The following DENND4A variants were observed in gnomAD, a reference collection of about 807,000 sequenced individuals.
The protein encoded by DENND4A is C-myc promoter-binding protein.
A neutral mutation model predicts 199.3 loss-of-function variants in DENND4A; 70 were observed. The observed-to-expected ratio is 0.35, with a 90% CI of 0.29 to 0.43. The LOEUF (loss-of-function observed/expected upper bound fraction) is 0.43, where lower values mean the gene tolerates loss of function less well. Among genes scored for constraint, DENND4A ranks in the 20% least tolerant of loss-of-function variants. The pLI, the probability that DENND4A is intolerant of heterozygous loss-of-function variation, is 1.00. For synonymous variants in DENND4A, 686 were observed against 766.9 expected, an observed-to-expected ratio of 0.89 and a Z score of 1.74; for missense variants, 1,723 against 2,255.8, an observed-to-expected ratio of 0.76 and a Z score of 4.78.
intron 1 of DENND4A, among the ~76,000 whole-genome samples, chr15:65,769,324 A>AT (rs1050037868): frequency 2.5e-4 from 38 of 152,156 alleles, no homozygotes; most frequent in African/African-American, 8.7e-4. Context: ...AAATAAATAA[A>AT]AACCTTTTTT....
intron 1 of DENND4A, among the ~76,000 whole-genome samples, chr15:65,767,798 A>G (rs558157495): frequency 6.6e-6 from 1 of 152,206 alleles, no homozygotes; most frequent in Non-Finnish European, 1.5e-5. Context: ...TATATATTAA[A>G]GTTAGCATGA....
chr15:65,729,656 G>A lies in DENND4A; in HGVS notation c.1189C>T (p.Leu397=). The A allele has an allele frequency of 1.3e-6, 2 of 1,554,182 alleles. No individual in the cohort carries two copies. The highest frequency in any genetic ancestry group is 1.7e-6 in the Non-Finnish European group (2 of 1,148,584). Residue 397 remains leucine (L), a synonymous_variant, in exon 10 of 33, where the codon CTG becomes TTG. Transcript: ENST00000443035. ...PLSGGKFSTL[L]QNLGPENAVT... ...GCATTTTCAGGGCCTAAATTCTGCA[G>A]TAGTGTTGAAAACTTGCCACCACTG... is the stretch of plus-strand genomic sequence containing the variant.
At chr15:65,697,209 C>T (rs1314616657) in intron 21 of DENND4A, 58 bp downstream of exon 21, 7 of 1,078,572 alleles carry the variant, frequency 6.5e-6, no homozygotes, top group African/African-American at 4.9e-5. Flanking sequence ...AAATCACCTG[C>T]ATTTTCTATG....
At chr15:65,736,502 G>A (rs943011732) in intron 7 of DENND4A, among the ~76,000 whole-genome samples, 2 of 151,468 alleles carry the variant, frequency 1.3e-5, no homozygotes, top group African/African-American at 4.9e-5. Context: ...CTGACCTCAG[G>A]TGATTCACCT....
chr15:65,759,643 G>GA (rs1232156027), intron 2 of DENND4A, among the ~76,000 whole-genome samples: 1 of 152,058 alleles, frequency 6.6e-6, no homozygotes, highest in East Asian at 1.9e-4. Context: ...CACTTAAAAA[G>GA]AAAGTGCTAA....
intron 22 of DENND4A, among the ~76,000 whole-genome samples, chr15:65,691,958 C>CTT (rs767840868): frequency 2.2e-5 from 3 of 134,082 alleles, no homozygotes; most frequent in East Asian, 2.1e-4. Context: ...CTGAGTCTTC[C>CTT]TTTTTTTTTT....
At chr15:65,755,076 A>G (rs2076665446) in intron 3 of DENND4A, among the ~76,000 whole-genome samples, 1 of 152,234 alleles carries the variant, frequency 6.6e-6, no homozygotes, top group Non-Finnish European at 1.5e-5. Context: ...CATAAAATGG[A>G]ATAAAGTACC....
chr15:65,695,360 G>C (rs1478527342), intron 22 of DENND4A, among the ~76,000 whole-genome samples: 1 of 152,126 alleles, frequency 6.6e-6, no homozygotes. Flanking sequence ...TATGAAAACT[G>C]ATGTTTGAAT....
At chr15:65,736,251 AGATT>A (rs1318163134) in intron 7 of DENND4A, among the ~76,000 whole-genome samples, 1 of 151,832 alleles carries the variant, frequency 6.6e-6, no homozygotes, top group African/African-American at 2.4e-5. Context: ...ACAGAACAAT[AGATT>A]TTTTTATTTT....
intron 11 of DENND4A, among the ~76,000 whole-genome samples, chr15:65,728,296 C>A (rs2075865774): frequency 6.6e-6 from 1 of 151,930 alleles, no homozygotes; most frequent in East Asian, 1.9e-4. Flanking sequence ...AGCCACCACG[C>A]CCAGTCTATA....
At chr15:65,723,557 A>G (rs1316200267) in intron 11 of DENND4A, among the ~76,000 whole-genome samples, 1 of 152,196 alleles carries the variant, frequency 6.6e-6, no homozygotes, top group Non-Finnish European at 1.5e-5. Context: ...TCCGTTAAAA[A>G]TGATAAAGCA....
intron 20 of DENND4A, 83 bp from the exon 21 acceptor site, chr15:65,697,466 T>C: frequency 1.2e-6 from 1 of 804,976 alleles, no homozygotes; most frequent in Admixed American, 2.9e-5. Flanking sequence ...ATACTAGTGT[T>C]TGGATTTCCT....
intron 1 of DENND4A, among the ~76,000 whole-genome samples, chr15:65,781,082 T>G (rs1034373920): frequency 2.0e-5 from 3 of 151,904 alleles, no homozygotes; most frequent in Admixed American, 2.0e-4. Context: ...AGGAGTTAGG[T>G]AGGCAAAAAG....
At chr15:65,682,769 T>C (rs900705542) in intron 23 of DENND4A, among the ~76,000 whole-genome samples, 1 of 152,200 alleles carries the variant, frequency 6.6e-6, no homozygotes, top group African/African-American at 2.4e-5. Flanking sequence ...TCCTTTCATG[T>C]GAACACTTTA....
intron 20 of DENND4A, 143 bp downstream of exon 20, chr15:65,700,400 CT>C: frequency 3.0e-6 from 1 of 336,160 alleles, no homozygotes; most frequent in Non-Finnish European, 5.0e-6. Context: ...GTTATTAAAT[CT>C]AATATCAAAT....
chr15:65,676,011 T>C (rs530029671), intron 24 of DENND4A, among the ~76,000 whole-genome samples: 4 of 151,548 alleles, frequency 2.6e-5, no homozygotes, highest in African/African-American at 9.7e-5. Context: ...GCTGAAAAAA[T>C]GAATGGGGAA....
intron 4 of DENND4A, among the ~76,000 whole-genome samples, chr15:65,746,467 A>ACCTCTG (rs2076401073): frequency 7.7e-6 from 1 of 129,888 alleles, no homozygotes; most frequent in Non-Finnish European, 1.5e-5. Flanking sequence ...GCTCACTGCA[A>ACCTCTG]CCTCTGCCTC....
At position 65,751,765 on chromosome 15, in the gene DENND4A, T is replaced by C. The variant is rs561448647; in HGVS notation, c.561+614A>G. 2.6e-5 allele frequency among the ~76,000 whole-genome samples: 4 copies of C among 152,244 alleles called. No individual in the cohort carries two copies. In the East Asian group the frequency reaches 7.7e-4, roughly 29 times the overall value. ...CCTGCTGAAAAATTAAAACAAAGTATTGATCTCTGGATATGACAACAAGAG... is the reference window on the plus strand; with the variant it reads ...CCTGCTGAAAAATTAAAACAAAGTACTGATCTCTGGATATGACAACAAGAG... On this transcript the variant is annotated intron_variant, in intron 4 of 32. Transcript: ENST00000443035.
chr15:65,762,721 AG>A (rs917017113), intron 1 of DENND4A, among the ~76,000 whole-genome samples: 1 of 152,148 alleles, frequency 6.6e-6, no homozygotes, highest in African/African-American at 2.4e-5. Flanking sequence ...TAATTGAATT[AG>A]GTATTATAGA....
Sources: allele counts gnomAD v4.1 joint callset (sites outside exome capture counted in the v4.1 genomes callset), GRCh38; gene constraint gnomAD v4.1.1; transcripts MANE v1.5; gene names NCBI Gene and HGNC (gene_info 2026-07-23, HGNC 2026-07-21).